The following LOC400499 variants were observed in gnomAD, a reference collection of about 807,000 sequenced individuals.
At chr16:11,412,773 T>G in the LOC400499 span, 1,277 of 398,254 alleles carry the variant, frequency 3.2e-3, 15 homozygotes, top group African/African-American at 0.024. Context: ...TGTCCAGCGA[T>G]GGTGCACAGC....
At chr16:11,518,803 G>C in the LOC400499 span, 1 of 398,468 alleles carries the variant, frequency 2.5e-6, no homozygotes, top group Non-Finnish European at 4.4e-6. Flanking sequence ...ATCTAATTCA[G>C]TGCACCCAGA....
At chr16:11,422,819 C>A in the LOC400499 span, among the ~76,000 whole-genome samples, 1 of 152,224 alleles carries the variant, frequency 6.6e-6, no homozygotes, top group East Asian at 1.9e-4. Flanking sequence ...TGCACCCCAG[C>A]CCTGAGCGCC....
At chr16:11,384,697 G>C in the LOC400499 span, among the ~76,000 whole-genome samples, 5 of 152,222 alleles carry the variant, frequency 3.3e-5, no homozygotes, top group African/African-American at 1.2e-4. Context: ...GCCTCTGTGC[G>C]GTCATCTGGA....
the LOC400499 span, chr16:11,522,121 CAG>C: frequency 0.47 from 188,291 of 398,234 alleles, 47,313 homozygotes; most frequent in African/African-American, 0.78. Flanking sequence ...CCCTGAAGGG[CAG>C]AGAGAGAGAC....
the LOC400499 span, chr16:11,387,322 CTG>C: frequency 8.1e-7 from 1 of 1,231,956 alleles, no homozygotes; most frequent in East Asian, 3.2e-5. Context: ...GGACAAGTCA[CTG>C]TGCCTGCCCG....
At chr16:11,479,463 TAA>T in the LOC400499 span, among the ~76,000 whole-genome samples, 160 of 141,330 alleles carry the variant, frequency 1.1e-3, no homozygotes, top group African/African-American at 2.4e-3. Flanking sequence ...ATTAAAAAAT[TAA>T]AAAAAAAAAA....
At chr16:11,420,460 G>T in the LOC400499 span, among the ~76,000 whole-genome samples, 1 of 124,346 alleles carries the variant, frequency 8.0e-6, no homozygotes, top group East Asian at 2.8e-4. Flanking sequence ...GGGGGGAGGG[G>T]GGAGGGATAG....
chr16:11,481,191 C>G, the LOC400499 span, among the ~76,000 whole-genome samples: 1 of 152,152 alleles, frequency 6.6e-6, no homozygotes, highest in Admixed American at 6.5e-5. Context: ...CTGTTGGAGG[C>G]TAGGAGGAGG....
the LOC400499 span, among the ~76,000 whole-genome samples, chr16:11,488,401 G>GT: frequency 6.6e-6 from 1 of 152,142 alleles, no homozygotes; most frequent in Non-Finnish European, 1.5e-5. Context: ...CAGCATGTAA[G>GT]TTTTTTGTTG....
the LOC400499 span, chr16:11,423,995 G>C: frequency 2.5e-6 from 1 of 398,512 alleles, no homozygotes; most frequent in African/African-American, 2.1e-5. Flanking sequence ...CAAGATCACC[G>C]TCAGCCCGGC....
At chr16:11,372,793 C>T in the LOC400499 span, 4 of 878,184 alleles carry the variant, frequency 4.6e-6, no homozygotes, top group Non-Finnish European at 5.5e-6. Flanking sequence ...GGAGAGGGGC[C>T]CCTGCTGTTT....
At chr16:11,498,200 G>T in the LOC400499 span, among the ~76,000 whole-genome samples, 1 of 152,170 alleles carries the variant, frequency 6.6e-6, no homozygotes, top group African/African-American at 2.4e-5. Flanking sequence ...CATTAAGAAG[G>T]CCGGGCGCAG....
chr16:11,520,778 G>A, the LOC400499 span, among the ~76,000 whole-genome samples: 28 of 151,668 alleles, frequency 1.8e-4, no homozygotes, highest in Middle Eastern at 6.8e-3. Flanking sequence ...TGATCGCTAC[G>A]TAGGTGTTTG....
At chr16:11,481,208 T>C in the LOC400499 span, among the ~76,000 whole-genome samples, 1 of 152,216 alleles carries the variant, frequency 6.6e-6, no homozygotes, top group Non-Finnish European at 1.5e-5. Context: ...GAGGGGCTGC[T>C]GGGGAGTGAC....
the LOC400499 span, among the ~76,000 whole-genome samples, chr16:11,474,323 T>C: frequency 6.6e-6 from 1 of 152,252 alleles, no homozygotes; most frequent in African/African-American, 2.4e-5. Flanking sequence ...CATGAAGTTT[T>C]CATGATATGA....
chr16:11,419,258 A>C, the LOC400499 span, among the ~76,000 whole-genome samples: 15 of 152,234 alleles, frequency 9.9e-5, no homozygotes, highest in South Asian at 8.3e-4. Flanking sequence ...AGAGATATAG[A>C]TCAATGGAAC....
At chr16:11,436,052 G>C in the LOC400499 span, among the ~76,000 whole-genome samples, 1 of 152,320 alleles carries the variant, frequency 6.6e-6, no homozygotes, top group Admixed American at 6.5e-5. Flanking sequence ...GAATGGGGGA[G>C]ATAGCCTACC....
At chr16:11,380,865 C>A in the LOC400499 span, 2 of 153,372 alleles carry the variant, frequency 1.3e-5, no homozygotes, top group African/African-American at 4.8e-5. Context: ...CACAGATTCT[C>A]CGAGGTTCCT....
the LOC400499 span, chr16:11,390,342 T>G: frequency 8.1e-7 from 1 of 1,233,784 alleles, no homozygotes; most frequent in Non-Finnish European, 1.0e-6. Flanking sequence ...CCCCTTTGCC[T>G]GGCATCCCGG....
Sources: allele counts gnomAD v4.1 joint callset (sites outside exome capture counted in the v4.1 genomes callset), GRCh38; gene constraint gnomAD v4.1.1; transcripts MANE v1.5.